Variants in USP2 observed in about 807,000 individuals in gnomAD.
The protein encoded by USP2 is ubiquitin carboxyl-terminal hydrolase 2.
Under a neutral mutation model 72.0 loss-of-function variants are expected in USP2, and 33 were observed. The observed-to-expected ratio is 0.46, with a 90% confidence interval of 0.35 to 0.61. USP2 has a LOEUF of 0.61. Among genes scored for constraint, USP2 ranks in the 20% least tolerant of loss-of-function variants. The pLI is 0.01. For synonymous variants in USP2, 296 were observed against 312.5 expected (o/e 0.95, Z 0.56); for missense variants, 691 against 797.8 (o/e 0.87, Z 1.61).
intron 2 of USP2, among the ~76,000 whole-genome samples, chr11:119,367,226 C>T (rs555705180): frequency 6.6e-6 from 1 of 152,332 alleles, no homozygotes; most frequent in East Asian, 1.9e-4. Context: ...ATTCCTGCAT[C>T]CTGACTGCCG....
At chr11:119,365,705 A>T (rs1281083004) in intron 2 of USP2, among the ~76,000 whole-genome samples, 1 of 152,158 alleles carries the variant, frequency 6.6e-6, no homozygotes, top group Non-Finnish European at 1.5e-5. Context: ...GTTTGTCCAC[A>T]GGCCCACCAC....
chr11:119,365,963 C>T (rs897626963), intron 2 of USP2, among the ~76,000 whole-genome samples: 8 of 151,028 alleles, frequency 5.3e-5, no homozygotes, highest in Non-Finnish European at 8.8e-5. Context: ...GGCACGATCT[C>T]GGCTCACTGC....
Position 119,359,065 on chromosome 11 carries a change from T to C in USP2, c.1131A>G (p.Thr377=), listed in dbSNP as rs779308084. The C allele has an allele frequency of 6.2e-7, 1 of 1,614,108 alleles. No homozygotes were observed. The highest frequency in any genetic ancestry group is 8.5e-7 in the Non-Finnish European group (1 of 1,180,040). ...DGLHNEVNRV[T]LRPKSNPENL... is the part of the protein sequence containing the mutation. Reference sequence around the variant, plus strand: ...TCTCAGGGTTGGACTTAGGTCTCAGTGTCACTCGGTTCACCTCGTTATGGA... The same window carrying C: ...TCTCAGGGTTGGACTTAGGTCTCAGCGTCACTCGGTTCACCTCGTTATGGA... Residue 377 remains threonine, a synonymous_variant, in exon 6 of 13, where the codon ACA becomes ACG. Coordinates refer to ENST00000260187, the MANE Select transcript of USP2 (RefSeq NM_004205.5).
At chr11:119,372,278 C>T (rs1167978362) in intron 2 of USP2, among the ~76,000 whole-genome samples, 2 of 152,192 alleles carry the variant, frequency 1.3e-5, no homozygotes, top group Non-Finnish European at 2.9e-5. Context: ...GGGAATAAAG[C>T]CTGCACAAGA....
chr11:119,363,903 G>A, intron 2 of USP2: 3 of 1,369,008 alleles, frequency 2.2e-6, no homozygotes, highest in Middle Eastern at 2.2e-4. Flanking sequence ...GGGACGGGGA[G>A]AGAGGGGAGC....
intron 2 of USP2, among the ~76,000 whole-genome samples, chr11:119,362,643 C>G (rs1376438411): frequency 6.6e-6 from 1 of 152,128 alleles, no homozygotes; most frequent in Admixed American, 6.6e-5. Flanking sequence ...AACAAAATGT[C>G]CCCAGAGTGA....
Position 119,356,634 on chromosome 11 carries a change from C to T in USP2, c.*201G>A, listed in dbSNP as rs536317995. The T allele has an allele frequency of 6.6e-5, 38 of 574,762 alleles. No homozygotes were observed. In the Admixed American group the frequency reaches 7.9e-4, roughly 12 times the overall value. The allele number at this position is 574,762 out of a possible 1,614,324, so 35.6% of individuals were successfully genotyped here. On this transcript the variant is annotated 3_prime_UTR_variant, in exon 13 of 13. Coordinates refer to ENST00000260187, the MANE Select transcript of USP2 (RefSeq NM_004205.5). Reference sequence around the variant, plus strand: ...CTGGCTCCACGTCCAGGCGATCTTCCCTGCCGGGCCACAGCTCAGGAAAGC... The same window carrying T: ...CTGGCTCCACGTCCAGGCGATCTTCTCTGCCGGGCCACAGCTCAGGAAAGC...
intron 2 of USP2, chr11:119,364,157 C>G (rs1950814105): frequency 8.3e-7 from 1 of 1,206,034 alleles, no homozygotes; most frequent in Non-Finnish European, 1.0e-6. Flanking sequence ...CTCAACCTCC[C>G]CGGCGTGCGC....
rs1227751040 is a variant in USP2 at position 119,373,034 on chromosome 11, A to T, written c.447T>A (p.Asp149Glu). ...TATCTGAGGTCCGGAGGCTGGAGAA[A>T]TCCCGGGCCAGGTCTGATTGGCTGT... ...KLDSQSDLAR[D>E]FSSLRTSDSY... Residue 149 changes from aspartate (D) to glutamate (E), a missense_variant, in exon 2 of 13, where the codon GAT becomes GAA. Coordinates refer to ENST00000260187, the MANE Select transcript of USP2 (RefSeq NM_004205.5). The T allele has an allele frequency of 1.2e-6, 2 of 1,613,830 alleles. No homozygotes were observed. Among genetic ancestry groups the T allele is most frequent in the Admixed American group, 1.7e-5 (1 of 60,026 alleles).
At position 119,372,690 on chromosome 11, in the gene USP2, C is replaced by G. The variant is rs1345323509; in HGVS notation, c.774+17G>C. 1 of 1,510,188 alleles carries G rather than the reference C, an allele frequency of 6.6e-7. No individual in the cohort carries two copies. Among genetic ancestry groups the G allele is most frequent in the Non-Finnish European group, 8.8e-7 (1 of 1,134,094 alleles). 93.5% of individuals were successfully genotyped at this position (1,510,188 alleles called of 1,614,324 possible). A position where few individuals can be genotyped will look rare whatever the true frequency, so the allele number is the denominator to read the frequency against. Reference sequence around the variant, plus strand: ...CTGCCTCCCCAGCCTATCCCCGGTCCCCAAGGGTAAACTCACCATGCCGTC... The same window carrying G: ...CTGCCTCCCCAGCCTATCCCCGGTCGCCAAGGGTAAACTCACCATGCCGTC... On this transcript the variant is annotated intron_variant, in intron 2 of 12. Coordinates refer to ENST00000260187, the MANE Select transcript of USP2 (RefSeq NM_004205.5).
chr11:119,376,445 G>A, intron 1 of USP2: 1 of 982,546 alleles, frequency 1.0e-6, no homozygotes, highest in African/African-American at 1.7e-5. Flanking sequence ...CCTGCCCAGT[G>A]CGGGGGGCCC....
chr11:119,356,930 G>C lies in USP2; in HGVS notation c.1731-8C>G. The C allele has an allele frequency of 6.4e-7, 1 of 1,554,342 alleles. No individual in the cohort carries two copies. On this transcript the variant is annotated splice_polypyrimidine_tract_variant and splice_region_variant and intron_variant, in intron 12 of 12. Transcript: ENST00000260187. ...GAGGACATGGGAGTGACGCTGCGGA[G>C]AGAGCGGGGAGTCAGCCCGGAGCGG... is the stretch of plus-strand genomic sequence containing the variant.
At position 119,356,611 on chromosome 11, in the gene USP2, G is replaced by T; in HGVS notation, c.*224C>A. Reference sequence around the variant, plus strand: ...AACGCCGAGGGCACGGGGCGATGCTGGCTCCACGTCCAGGCGATCTTCCCT... The same window carrying T: ...AACGCCGAGGGCACGGGGCGATGCTTGCTCCACGTCCAGGCGATCTTCCCT... On this transcript the variant is annotated 3_prime_UTR_variant, in exon 13 of 13. Transcript: ENST00000260187. 1.8e-6 allele frequency: 1 copy of T among 550,852 alleles called. No homozygotes were observed. Among genetic ancestry groups the T allele is most frequent in the Non-Finnish European group, 3.2e-6 (1 of 315,518 alleles). The allele number at this position is 550,852 out of a possible 1,614,324, so 34.1% of individuals were successfully genotyped here.
intron 1 of USP2, among the ~76,000 whole-genome samples, chr11:119,377,247 G>A (rs562877885): frequency 3.1e-4 from 47 of 152,302 alleles, no homozygotes; most frequent in Non-Finnish European, 6.2e-4. Context: ...GTCACACTGG[G>A]AGCAGTGGCA....
chr11:119,374,671 G>T (rs1465028957), intron 1 of USP2, among the ~76,000 whole-genome samples: 1 of 152,152 alleles, frequency 6.6e-6, no homozygotes, highest in Non-Finnish European at 1.5e-5. Flanking sequence ...CCGTAAACGT[G>T]CAGCCTGTAT....
chr11:119,362,608 GTCAGCACTTT>G (rs1950781004), intron 2 of USP2, among the ~76,000 whole-genome samples: 3 of 152,152 alleles, frequency 2.0e-5, no homozygotes, highest in Admixed American at 6.5e-5. Flanking sequence ...TCCAGGGAAA[GTCAGCACTTT>G]TCATTACAGA....
intron 1 of USP2, among the ~76,000 whole-genome samples, chr11:119,377,002 A>G (rs1355274318): frequency 2.0e-5 from 3 of 152,288 alleles, no homozygotes; most frequent in Middle Eastern, 3.2e-3. Flanking sequence ...AAATTTAAAA[A>G]CATTTTCACA....
chr11:119,359,449 G>A, intron 4 of USP2, 88 bp downstream of exon 4: 2 of 1,596,394 alleles, frequency 1.3e-6, no homozygotes, highest in Non-Finnish European at 8.5e-7. Flanking sequence ...CAGGATAGGA[G>A]TGTCTAAGAC....
In USP2 at chr11:119,357,511, G is replaced by C. The variant is rs758861542; in HGVS notation, c.1581C>G (p.Asp527Glu). Reference protein sequence around the residue: ...TFVNFPLRDLDLREFASENTN... With the variant: ...TFVNFPLRDLELREFASENTN... ...TGTTTTCTGAGGCAAATTCTCTTAAGTCCAGGTCTCTTAGGGGGAAGTTCA... is the reference window on the plus strand; with the variant it reads ...TGTTTTCTGAGGCAAATTCTCTTAACTCCAGGTCTCTTAGGGGGAAGTTCA... Residue 527 changes from aspartate (D) to glutamate (E), a missense_variant, in exon 11 of 13, where the codon GAC becomes GAG. Coordinates refer to ENST00000260187, the MANE Select transcript of USP2 (RefSeq NM_004205.5). 6.2e-7 allele frequency: 1 copy of C among 1,614,136 alleles called. No homozygotes were observed. Among genetic ancestry groups the C allele is most frequent in the African/African-American group, 1.3e-5 (1 of 75,022 alleles).
Sources: allele counts gnomAD v4.1 joint callset (sites outside exome capture counted in the v4.1 genomes callset), GRCh38; gene constraint gnomAD v4.1.1; transcripts MANE v1.5; gene names NCBI Gene and HGNC (gene_info 2026-07-23, HGNC 2026-07-21).